The following SLC35F3 variants were observed in gnomAD, a reference collection of about 807,000 sequenced individuals.
The protein encoded by SLC35F3 is putative thiamine transporter SLC35F3.
In SLC35F3, 25 loss-of-function variants were observed where a neutral mutation model predicts 49.9. The observed-to-expected ratio is 0.50, with a 90% confidence interval of 0.37 to 0.70. The LOEUF is 0.70. Ranked by LOEUF, SLC35F3 falls within the 30% of genes least tolerant of loss-of-function variation. The probability of loss-of-function intolerance (pLI) is 0.00; values close to 1 mark genes in which losing one functional copy is unlikely to be tolerated. For synonymous variants in SLC35F3, 275 were observed against 265.4 expected, an observed-to-expected ratio of 1.04 and a Z score of -0.35; for missense variants, 525 against 639.8, an observed-to-expected ratio of 0.82 and a Z score of 1.94.
intron 3 of SLC35F3, among the ~76,000 whole-genome samples, chr1:234,283,312 C>T (rs1668359211): frequency 6.6e-6 from 1 of 152,244 alleles, no homozygotes; most frequent in African/African-American, 2.4e-5. Context: ...AACTACCTTT[C>T]CTTCTTATGC....
intron 2 of SLC35F3, among the ~76,000 whole-genome samples, chr1:234,148,042 A>G (rs1666023682): frequency 6.6e-6 from 1 of 152,146 alleles, no homozygotes; most frequent in Non-Finnish European, 1.5e-5. Context: ...AGAGAAAGAG[A>G]GAGTGATTGT....
At chr1:234,181,338 G>GAAAAAAAAAAAAAAAAAGAAAGAAAA (rs1666554054) in intron 2 of SLC35F3, among the ~76,000 whole-genome samples, 1 of 97,308 alleles carries the variant, frequency 1.0e-5, no homozygotes, top group African/African-American at 3.9e-5. Flanking sequence ...TCTGTCTCAA[G>GAAAAAAAAAAAAAAAAAGAAAGAAAA]AAAAAAAAAA....
intron 2 of SLC35F3, among the ~76,000 whole-genome samples, chr1:234,115,447 C>T (rs977861094): frequency 6.6e-6 from 1 of 152,176 alleles, no homozygotes; most frequent in Non-Finnish European, 1.5e-5. Flanking sequence ...TCCCCAGGAA[C>T]ATTCCACTGC....
intron 2 of SLC35F3, among the ~76,000 whole-genome samples, chr1:234,058,037 G>A (rs1477929456): frequency 6.6e-6 from 1 of 152,062 alleles, no homozygotes; most frequent in Non-Finnish European, 1.5e-5. Context: ...GAGTGGGAAG[G>A]CATCCATTCT....
At chr1:234,299,332 A>C (rs963557747) in intron 3 of SLC35F3, among the ~76,000 whole-genome samples, 2 of 152,164 alleles carry the variant, frequency 1.3e-5, no homozygotes, top group African/African-American at 4.8e-5. Context: ...AACAACCAAT[A>C]CTTTTAGTTG....
intron 3 of SLC35F3, among the ~76,000 whole-genome samples, chr1:234,275,887 G>A (rs921673100): frequency 4.6e-5 from 7 of 152,042 alleles, no homozygotes; most frequent in African/African-American, 1.2e-4. Context: ...AATGTAAACC[G>A]AATAAGAACT....
At chr1:234,150,611 C>T (rs1666061662) in intron 2 of SLC35F3, among the ~76,000 whole-genome samples, 1 of 152,208 alleles carries the variant, frequency 6.6e-6, no homozygotes, top group African/African-American at 2.4e-5. Flanking sequence ...TGCTATGCTA[C>T]AGTCTACCTC....
chr1:234,153,866 G>A (rs1405218880), intron 2 of SLC35F3, among the ~76,000 whole-genome samples: 1 of 151,972 alleles, frequency 6.6e-6, no homozygotes, highest in Admixed American at 6.5e-5. Flanking sequence ...GAGGTCAGGA[G>A]ATCGAGACCA....
In SLC35F3 at chr1:234,161,814, A is replaced by G. The variant is rs544451827; in HGVS notation, c.284-69603A>G. 3.8e-4 allele frequency among the ~76,000 whole-genome samples: 58 copies of G among 152,244 alleles called. 1 individual carries two copies. The South Asian group carries it at 8.9e-3, about 23-fold the overall frequency. The stretch of plus-strand genomic sequence containing the variant: ...GAGTGAGACCCCATCTCAAAAAAAT[A>G]TATATCAAAATACTTTGGCTTGTGC... On this transcript the variant is annotated intron_variant, in intron 2 of 7. Transcript: ENST00000366618.
intron 2 of SLC35F3, among the ~76,000 whole-genome samples, chr1:234,034,252 T>C (rs931020453): frequency 2.0e-5 from 3 of 152,234 alleles, no homozygotes; most frequent in Non-Finnish European, 4.4e-5. Flanking sequence ...TAGGAGCTTT[T>C]TGGATGAGTC....
chr1:234,139,561 C>A (rs114328565), intron 2 of SLC35F3, among the ~76,000 whole-genome samples: 2,556 of 152,218 alleles, frequency 0.017, 65 homozygotes, highest in African/African-American at 0.059. Context: ...AAAAAGAATA[C>A]AGTCGTCCCC....
At chr1:234,200,472 A>C (rs1355627133) in intron 2 of SLC35F3, among the ~76,000 whole-genome samples, 1 of 152,108 alleles carries the variant, frequency 6.6e-6, no homozygotes, top group Non-Finnish European at 1.5e-5. Flanking sequence ...TGTTGTGCTG[A>C]ATGCCTTCCT....
At chr1:233,930,217 C>A (rs948571109) in intron 2 of SLC35F3, among the ~76,000 whole-genome samples, 15 of 151,860 alleles carry the variant, frequency 9.9e-5, no homozygotes, top group African/African-American at 3.6e-4. Flanking sequence ...GGTACAGCTC[C>A]TGAGAGTTGT....
chr1:234,216,129 C>G (rs1287678121), intron 2 of SLC35F3, among the ~76,000 whole-genome samples: 1 of 152,118 alleles, frequency 6.6e-6, no homozygotes, highest in Non-Finnish European at 1.5e-5. Context: ...CTAAGCCTAC[C>G]CAGACATTGC....
intron 2 of SLC35F3, among the ~76,000 whole-genome samples, chr1:234,080,131 T>G (rs954823536): frequency 2.6e-5 from 4 of 152,110 alleles, no homozygotes; most frequent in African/African-American, 9.7e-5. Flanking sequence ...AGGCTGAGCG[T>G]TCACTTAATC....
intron 2 of SLC35F3, among the ~76,000 whole-genome samples, chr1:233,990,552 A>C (rs1279617076): frequency 1.3e-5 from 2 of 152,202 alleles, no homozygotes; most frequent in African/African-American, 4.8e-5. Flanking sequence ...CAGCATGGTG[A>C]CTGTACTTAA....
At chr1:233,911,199 G>A (rs757587454) in intron 2 of SLC35F3, among the ~76,000 whole-genome samples, 6 of 152,178 alleles carry the variant, frequency 3.9e-5, no homozygotes, top group African/African-American at 7.2e-5. Flanking sequence ...TGTTGCTGGC[G>A]TAGATACCGG....
intron 2 of SLC35F3, among the ~76,000 whole-genome samples, chr1:234,093,821 T>G (rs945109820): frequency 6.6e-6 from 1 of 152,232 alleles, no homozygotes; most frequent in Non-Finnish European, 1.5e-5. Flanking sequence ...CAAGTTACCC[T>G]ATGTCTTGCC....
At chr1:234,256,496 T>C (rs1247468240) in intron 3 of SLC35F3, among the ~76,000 whole-genome samples, 3 of 152,202 alleles carry the variant, frequency 2.0e-5, no homozygotes, top group Non-Finnish European at 4.4e-5. Flanking sequence ...ACCAGCCCTT[T>C]CAAAAGACTT....
Sources: gnomAD v4.1 joint callset for allele counts (sites outside exome capture counted in the v4.1 genomes callset) on GRCh38, gnomAD v4.1.1 for gene constraint, MANE v1.5 for transcripts, NCBI Gene and HGNC (gene_info 2026-07-23, HGNC 2026-07-21) for gene names.